BCAS3: variants seen among roughly 807,000 people sequenced by gnomAD.
The protein encoded by BCAS3 is BCAS3 microtubule associated cell migration factor.
A neutral mutation model predicts 116.1 loss-of-function variants in BCAS3; 53 were observed. That is an observed-to-expected ratio of 0.46 (90% CI 0.37 to 0.57). The LOEUF (loss-of-function observed/expected upper bound fraction) is 0.57. BCAS3 is among the 20% of genes least tolerant of loss of function. The pLI is 0.00. For synonymous variants in BCAS3, 391 were observed against 408.2 expected, an observed-to-expected ratio of 0.96 and a Z score of 0.51; for missense variants, 917 against 1,165.4, an observed-to-expected ratio of 0.79 and a Z score of 3.10.
At chr17:60,939,935 G>T (rs2060135853) in intron 13 of BCAS3, among the ~76,000 whole-genome samples, 1 of 152,066 alleles carries the variant, frequency 6.6e-6, no homozygotes, top group Non-Finnish European at 1.5e-5. Context: ...ATTTGGTAAG[G>T]AAATCTGTTA....
intron 22 of BCAS3, among the ~76,000 whole-genome samples, chr17:61,253,411 T>A (rs571722586): frequency 6.6e-6 from 1 of 151,996 alleles, no homozygotes; most frequent in East Asian, 2.0e-4. Context: ...ATTGATAGAA[T>A]AAACATGTGT....
rs2057635726 is a variant in BCAS3 at position 61,348,451 on chromosome 17, T to C, written c.2426-19876T>C. Among the ~76,000 whole-genome samples the C allele has an allele frequency of 1.3e-5, 2 of 152,070 alleles. No homozygotes were observed. The highest frequency in any genetic ancestry group is 1.3e-4 in the Admixed American group (2 of 15,270). On this transcript the variant is annotated intron_variant, in intron 22 of 23. Coordinates refer to ENST00000407086, the MANE Select transcript of BCAS3 (RefSeq NM_017679.5). The surrounding 1 kb of genome is among the most constrained non-coding windows in gnomAD (Gnocchi z 4.5). ...GTAGCATATAGGTAGTACTGGGTATTTGTAAGCGTTAGAGTAGCTGAACTC... is the reference window on the plus strand; with the variant it reads ...GTAGCATATAGGTAGTACTGGGTATCTGTAAGCGTTAGAGTAGCTGAACTC...
chr17:60,714,376 T>C (rs1045743416), intron 5 of BCAS3, among the ~76,000 whole-genome samples: 12 of 152,104 alleles, frequency 7.9e-5, no homozygotes, highest in Non-Finnish European at 4.4e-5. Context: ...TTGTTGAGTT[T>C]AATATAACTG....
Position 61,381,065 on chromosome 17 carries a change from C to T in BCAS3, c.2594-10912C>T, listed in dbSNP as rs1270365342. 6.6e-6 allele frequency among the ~76,000 whole-genome samples: 1 copy of T among 152,216 alleles called. No homozygotes were observed. The highest frequency in any genetic ancestry group is 1.5e-5 in the Non-Finnish European group (1 of 68,040). On this transcript the variant is annotated intron_variant, in intron 23 of 23. Coordinates refer to ENST00000407086, the MANE Select transcript of BCAS3 (RefSeq NM_017679.5). This position sits in a 1 kb window ranked among gnomAD's most constrained non-coding sequence, Gnocchi z 6.0. ...TGCGCTTGTCTGTCCATTTATACAA[C>T]CTAATGTAACACAAAATTCATTACT... is the stretch of plus-strand genomic sequence containing the variant.
At chr17:61,010,854 C>G (rs915225167) in intron 15 of BCAS3, among the ~76,000 whole-genome samples, 1 of 151,890 alleles carries the variant, frequency 6.6e-6, no homozygotes, top group African/African-American at 2.4e-5. Flanking sequence ...GACCCAAAAG[C>G]CTGAGGCTTA....
At chr17:60,820,063 ATCTTTTTT>A (rs1268434275) in intron 7 of BCAS3, among the ~76,000 whole-genome samples, 1 of 149,732 alleles carries the variant, frequency 6.7e-6, no homozygotes, top group Non-Finnish European at 1.5e-5. Flanking sequence ...ACAGTGGGAC[ATCTTTTTT>A]TCTTTTTTTT....
intron 13 of BCAS3, among the ~76,000 whole-genome samples, chr17:60,935,034 C>T (rs750005953): frequency 2.6e-5 from 4 of 151,980 alleles, no homozygotes; most frequent in African/African-American, 4.8e-5. Context: ...GGCTCATGCC[C>T]GTAGCTGTAA....
At chr17:61,253,899 A>C (rs1032261762) in intron 22 of BCAS3, among the ~76,000 whole-genome samples, 1 of 152,078 alleles carries the variant, frequency 6.6e-6, no homozygotes, top group Non-Finnish European at 1.5e-5. Context: ...GACTTGCCTT[A>C]TGTCTTGCTA....
At chr17:61,072,392 C>T (rs567771773) in intron 19 of BCAS3, among the ~76,000 whole-genome samples, 1 of 152,222 alleles carries the variant, frequency 6.6e-6, no homozygotes, top group East Asian at 1.9e-4. Flanking sequence ...TAATCCCAGA[C>T]ATTATAATAT....
chr17:60,842,374 T>C (rs2052024167), intron 7 of BCAS3, among the ~76,000 whole-genome samples: 1 of 152,156 alleles, frequency 6.6e-6, no homozygotes, highest in African/African-American at 2.4e-5. Flanking sequence ...ATTAAAAATC[T>C]AAGGTTACTA....
rs1172588377 is a variant in BCAS3 at position 60,962,223 on chromosome 17, AT to A, written c.1221+14872del. ...CCTGGTAGCAGAATTGCTGGATCAT[AT>A]GGTAATTCTGTTTTTAGTTTTCTGA... On this transcript the variant is annotated intron_variant, in intron 14 of 23. Coordinates refer to ENST00000407086, the MANE Select transcript of BCAS3 (RefSeq NM_017679.5). The surrounding 1 kb of genome is among the most constrained non-coding windows in gnomAD (Gnocchi z 4.4). 6.6e-6 allele frequency among the ~76,000 whole-genome samples: 1 copy of A among 152,134 alleles called. No homozygotes were observed. Among genetic ancestry groups the A allele is most frequent in the Non-Finnish European group, 1.5e-5 (1 of 68,022 alleles).
chr17:61,288,683 G>T (rs959620539), intron 22 of BCAS3, among the ~76,000 whole-genome samples: 3 of 152,142 alleles, frequency 2.0e-5, no homozygotes, highest in African/African-American at 7.2e-5. Flanking sequence ...AAGATATGGC[G>T]CACTGAAGGA....
At chr17:60,760,088 T>G (rs977192733) in intron 6 of BCAS3, among the ~76,000 whole-genome samples, 1 of 152,252 alleles carries the variant, frequency 6.6e-6, no homozygotes, top group African/African-American at 2.4e-5. Context: ...CAAAGTGCAT[T>G]TCTTGTAGCC....
intron 16 of BCAS3, among the ~76,000 whole-genome samples, chr17:61,024,384 G>C (rs1245649734): frequency 6.6e-6 from 1 of 152,054 alleles, no homozygotes; most frequent in Non-Finnish European, 1.5e-5. Flanking sequence ...TGTCTCTCCA[G>C]TTCCCTTTCT....
rs143775645 is a variant in BCAS3, at chr17:61,218,002, T to C, written c.2425+133438T>C. Among the ~76,000 whole-genome samples the C allele has an allele frequency of 1.8e-3, 277 of 152,270 alleles. 1 individual carries two copies. The highest frequency in any genetic ancestry group is 0.014 in the Middle Eastern group (4 of 294). ...CAGAATCCTTGGGATTATCTGACCT[T>C]CTCCAAGTAGCTCTCCATTTCAGTA... On this transcript the variant is annotated intron_variant, in intron 22 of 23. Transcript: ENST00000407086.
At chr17:61,374,144 T>C (rs2059210149) in intron 23 of BCAS3, among the ~76,000 whole-genome samples, 2 of 150,964 alleles carry the variant, frequency 1.3e-5, no homozygotes. Flanking sequence ...GATGCATCTC[T>C]GTTGCAGGAG....
chr17:60,865,148 G>A (rs1369346861), intron 7 of BCAS3, among the ~76,000 whole-genome samples: 1 of 152,046 alleles, frequency 6.6e-6, no homozygotes, highest in East Asian at 1.9e-4. Context: ...TGTAAAAATG[G>A]CTTCAGTCAA....
chr17:60,953,313 G>T (rs1188436271), intron 14 of BCAS3, among the ~76,000 whole-genome samples: 1 of 152,142 alleles, frequency 6.6e-6, no homozygotes. Flanking sequence ...ATTCTGGCTG[G>T]TGTGAGATGG....
At chr17:60,847,468 A>G (rs757097621) in intron 7 of BCAS3, among the ~76,000 whole-genome samples, 4 of 152,120 alleles carry the variant, frequency 2.6e-5, no homozygotes, top group Non-Finnish European at 5.9e-5. Flanking sequence ...CAGAGTTCCA[A>G]TTTCTTCATA....
Sources: allele counts gnomAD v4.1 joint callset (sites outside exome capture counted in the v4.1 genomes callset), GRCh38; gene constraint gnomAD v4.1.1; non-coding constraint Gnocchi (gnomAD v3.1); transcripts MANE v1.5; gene names NCBI Gene and HGNC (gene_info 2026-07-23, HGNC 2026-07-21).